BTNL8: variants seen among roughly 807,000 people sequenced by gnomAD.
BTNL8 encodes butyrophilin like 8, also known as butyrophilin-like protein 8.
In BTNL8, 22 loss-of-function variants were observed where a neutral mutation model predicts 36.1. The ratio of observed to expected loss-of-function variants is 0.61; its 90% confidence interval spans 0.44 to 0.87. The LOEUF is 0.87. Ranked by LOEUF, BTNL8 falls within the 40% of genes least tolerant of loss-of-function variation. The probability of loss-of-function intolerance (pLI) is 0.00; values close to 1 mark genes in which losing one functional copy is unlikely to be tolerated. For missense variants in BTNL8, 526 were observed against 616.9 expected, an observed-to-expected ratio of 0.85 and a Z score of 1.56; for synonymous variants, 203 against 235.6, an observed-to-expected ratio of 0.86 and a Z score of 1.27.
intron 3 of BTNL8, among the ~76,000 whole-genome samples, chr5:180,925,341 C>T (rs1228198881): frequency 6.6e-6 from 1 of 152,046 alleles, no homozygotes; most frequent in Non-Finnish European, 1.5e-5. Flanking sequence ...GAGGATTTTA[C>T]CAAGATATAT....
Position 180,940,982 on chromosome 5 carries a change from A to C in BTNL8, c.674-6530A>C, listed in dbSNP as rs531470882. ...GTGGCATGCACCTGTAGCCCCAACT[A>C]CTCAGGAGGCTGAGGCTGAGAATCA... On this transcript the variant is annotated intron_variant, in intron 3 of 7. Coordinates refer to ENST00000340184, the MANE Select transcript of BTNL8 (RefSeq NM_001040462.3). 3.9e-5 allele frequency among the ~76,000 whole-genome samples: 6 copies of C among 152,144 alleles called. No individual in the cohort carries two copies. In the East Asian group the frequency reaches 1.2e-3, roughly 29 times the overall value.
At chr5:180,899,749 G>A (rs1327250841) in intron 1 of BTNL8, among the ~76,000 whole-genome samples, 2 of 152,234 alleles carry the variant, frequency 1.3e-5, no homozygotes, top group Non-Finnish European at 1.5e-5. Flanking sequence ...GACATGCTGA[G>A]TTAGAAATGT....
chr5:180,926,907 T>G (rs981367147), intron 3 of BTNL8, among the ~76,000 whole-genome samples: 2 of 152,144 alleles, frequency 1.3e-5, no homozygotes, highest in Admixed American at 6.5e-5. Flanking sequence ...TCAGCAGACT[T>G]AAACGTTCCT....
chr5:180,948,509 C>T (rs1421270691), intron 5 of BTNL8, 134 bp downstream of exon 5: 13 of 1,607,248 alleles, frequency 8.1e-6, no homozygotes, highest in Non-Finnish European at 1.7e-6. Context: ...AGAGCAGCTG[C>T]TCGCTCTCTC....
intron 3 of BTNL8, among the ~76,000 whole-genome samples, chr5:180,943,376 C>G (rs1455597790): frequency 1.3e-5 from 2 of 152,016 alleles, no homozygotes; most frequent in African/African-American, 4.8e-5. Flanking sequence ...CTCAGGTGAT[C>G]CATCCAGCCT....
intron 1 of BTNL8, among the ~76,000 whole-genome samples, chr5:180,908,064 G>T (rs1406793084): frequency 1.3e-5 from 2 of 152,268 alleles, no homozygotes. Context: ...GAGCTGCTTT[G>T]TTTACCTAAT....
chr5:180,947,702 T>A (rs1442094311), intron 4 of BTNL8, 77 bp downstream of exon 4: 1 of 1,614,208 alleles, frequency 6.2e-7, no homozygotes, highest in Non-Finnish European at 8.5e-7. Flanking sequence ...TGCTCCCACA[T>A]CCAGCTGCTT....
At position 180,950,079 on chromosome 5, in the gene BTNL8, C is replaced by T. The variant is rs369872041; in HGVS notation, c.1038C>T (p.Asp346=). The change falls in exon 8 of 8, where the codon GAC becomes GAT. Residue 346 remains aspartate, a synonymous_variant. Transcript: ENST00000340184. The stretch of plus-strand genomic sequence containing the variant: ...CAGGGAAACATTACTGGGAGGTGGA[C>T]GGAGGACACAATAAAAGGTGGCGCG... ...FQAGKHYWEV[D]GGHNKRWRVG... 1.8e-5 allele frequency: 26 copies of T among 1,462,552 alleles called. 4 individuals carry two copies. The highest frequency in any genetic ancestry group is 1.0e-4 in the South Asian group (9 of 89,222). The allele number at this position is 1,462,552 out of a possible 1,614,324, so 90.6% of individuals were successfully genotyped here.
At chr5:180,931,401 A>G (rs557143536) in intron 3 of BTNL8, among the ~76,000 whole-genome samples, 5 of 152,344 alleles carry the variant, frequency 3.3e-5, no homozygotes, top group Admixed American at 3.3e-4. Flanking sequence ...AGGCATGGGC[A>G]AAGACTTCAT....
intron 3 of BTNL8, among the ~76,000 whole-genome samples, chr5:180,916,975 T>C (rs111862334): frequency 2.9e-4 from 43 of 149,122 alleles, no homozygotes; most frequent in African/African-American, 8.9e-4. Flanking sequence ...TGAAAAATCA[T>C]AGGCCAACAA....
intron 3 of BTNL8, among the ~76,000 whole-genome samples, chr5:180,924,147 C>T (rs1196785789): frequency 6.6e-6 from 1 of 152,186 alleles, no homozygotes; most frequent in South Asian, 2.1e-4. Context: ...CTCAGCCAGC[C>T]TTGGGTTCTC....
At chr5:180,929,896 C>A in intron 3 of BTNL8, among the ~76,000 whole-genome samples, 1 of 152,164 alleles carries the variant, frequency 6.6e-6, no homozygotes, top group East Asian at 1.9e-4. Flanking sequence ...CAAAGAGGAG[C>A]TGGTACTATT....
intron 2 of BTNL8, 112 bp from the exon 3 acceptor site, chr5:180,911,225 TTG>T: frequency 1.4e-6 from 2 of 1,478,482 alleles, no homozygotes; most frequent in Non-Finnish European, 9.2e-7. Flanking sequence ...GTTTTAGTGT[TTG>T]TGTGTGTAAG....
chr5:180,926,916 C>A (rs928632468), intron 3 of BTNL8, among the ~76,000 whole-genome samples: 1 of 152,214 alleles, frequency 6.6e-6, no homozygotes, highest in Non-Finnish European at 1.5e-5. Flanking sequence ...TTAAACGTTC[C>A]TGCCTGCCTG....
intron 2 of BTNL8, 119 bp from the exon 3 acceptor site, chr5:180,911,220 A>G: frequency 6.9e-7 from 1 of 1,457,934 alleles, no homozygotes. Flanking sequence ...TCGTGGTTTT[A>G]GTGTTTGTGT....
intron 1 of BTNL8, among the ~76,000 whole-genome samples, chr5:180,907,507 CCTT>C (rs1757136193): frequency 6.7e-6 from 1 of 148,348 alleles, no homozygotes; most frequent in South Asian, 2.1e-4. Flanking sequence ...TCATCTGAAG[CCTT>C]CTTCTCTCAG....
chr5:180,945,987 TAATAAATA>T (rs79795340), intron 3 of BTNL8: 75,612 of 159,694 alleles, frequency 0.47, 19,181 homozygotes, highest in African/African-American at 0.63. Context: ...AAATAAACAT[TAATAAATA>T]AATAAATAAA....
rs931419386 is a variant in BTNL8, at chr5:180,929,926, A to C, written c.674-17586A>C. On this transcript the variant is annotated intron_variant, in intron 3 of 7. Coordinates refer to ENST00000340184, the MANE Select transcript of BTNL8 (RefSeq NM_001040462.3). The stretch of plus-strand genomic sequence containing the variant: ...ACTATTCCTTCAGAAACTATTCCAA[A>C]CAATAGAAAGAGAGAAACTCCTTCC... 7.8e-5 allele frequency among the ~76,000 whole-genome samples: 11 copies of C among 141,816 alleles called. No individual in the cohort carries two copies. The East Asian group carries it at 1.8e-3, about 23-fold the overall frequency. 93.0% of individuals were successfully genotyped at this position (141,816 alleles called of 152,430 possible).
intron 1 of BTNL8, among the ~76,000 whole-genome samples, chr5:180,908,371 G>T (rs1299419581): frequency 2.6e-5 from 4 of 152,086 alleles, no homozygotes; most frequent in Non-Finnish European, 4.4e-5. Context: ...GCTTCGGCTC[G>T]TGCACGGTGC....
Sources: allele counts gnomAD v4.1 joint callset (sites outside exome capture counted in the v4.1 genomes callset), GRCh38; gene constraint gnomAD v4.1.1; transcripts MANE v1.5; gene names NCBI Gene and HGNC (gene_info 2026-07-23, HGNC 2026-07-21).